The following NKAIN2 variants were observed in gnomAD, a reference collection of about 807,000 sequenced individuals.
NKAIN2 encodes sodium/potassium transporting ATPase interacting 2.
NKAIN2 carries 14 observed loss-of-function variants against 32.6 expected under a neutral mutation model. The ratio of observed to expected loss-of-function variants is 0.43; its 90% confidence interval spans 0.28 to 0.67. The LOEUF is 0.67. Among genes scored for constraint, NKAIN2 ranks in the 30% least tolerant of loss-of-function variants. NKAIN2 has a pLI of 0.17. For missense variants in NKAIN2, 198 were observed against 258.3 expected (o/e 0.77, Z 1.60); for synonymous variants, 80 against 87.2 (o/e 0.92, Z 0.46).
chr6:124,410,196 A>G (rs1774092828), intron 3 of NKAIN2, among the ~76,000 whole-genome samples: 1 of 151,896 alleles, frequency 6.6e-6, no homozygotes, highest in African/African-American at 2.4e-5. Flanking sequence ...TCTCTCCTTC[A>G]GTTCTGCTCT....
chr6:124,589,921 T>C (rs1781847445), intron 3 of NKAIN2, among the ~76,000 whole-genome samples: 1 of 151,590 alleles, frequency 6.6e-6, no homozygotes, highest in Admixed American at 6.6e-5. Context: ...AGTGAGAACA[T>C]GCAGTGTTTG....
intron 3 of NKAIN2, among the ~76,000 whole-genome samples, chr6:124,612,861 C>G (rs1023596887): frequency 1.3e-5 from 2 of 152,046 alleles, no homozygotes; most frequent in Non-Finnish European, 2.9e-5. Flanking sequence ...TGGTTATTAT[C>G]TATTATTTGC....
intron 2 of NKAIN2, among the ~76,000 whole-genome samples, chr6:124,329,429 A>G (rs1797559852): frequency 6.6e-6 from 1 of 152,178 alleles, no homozygotes; most frequent in Non-Finnish European, 1.5e-5. Context: ...CTATGGTTTA[A>G]ATGTAATGGA....
intron 1 of NKAIN2, among the ~76,000 whole-genome samples, chr6:123,846,053 C>G (rs1422047842): frequency 6.6e-6 from 1 of 152,126 alleles, no homozygotes; most frequent in Non-Finnish European, 1.5e-5. Flanking sequence ...CTTTTGGAAG[C>G]TTACATTTTT....
intron 2 of NKAIN2, among the ~76,000 whole-genome samples, chr6:124,291,818 A>G (rs970331062): frequency 2.0e-5 from 3 of 151,814 alleles, no homozygotes; most frequent in Non-Finnish European, 4.4e-5. Context: ...TGGTATAAAA[A>G]CTCAACCATC....
intron 3 of NKAIN2, among the ~76,000 whole-genome samples, chr6:124,615,467 T>C (rs1782852033): frequency 6.6e-6 from 1 of 152,154 alleles, no homozygotes; most frequent in South Asian, 2.1e-4. Flanking sequence ...GGTAAAGTCC[T>C]TAATAAATGC....
chr6:124,612,010 C>CCA (rs3050774), intron 3 of NKAIN2, among the ~76,000 whole-genome samples: 30,033 of 151,794 alleles, frequency 0.2, 3,070 homozygotes, highest in African/African-American at 0.25. Context: ...GTAGGTATTT[C>CCA]CAGTTTTTTT....
chr6:124,606,614 TTAATG>T (rs1189663157), intron 3 of NKAIN2, among the ~76,000 whole-genome samples: 24 of 152,122 alleles, frequency 1.6e-4, no homozygotes, highest in African/African-American at 5.8e-4. Flanking sequence ...TTTCTAGTAT[TTAATG>T]TAAGTGATAA....
chr6:124,410,335 C>T (rs1774100427), intron 3 of NKAIN2, among the ~76,000 whole-genome samples: 1 of 152,150 alleles, frequency 6.6e-6, no homozygotes, highest in Non-Finnish European at 1.5e-5. Flanking sequence ...GCATTTAGTG[C>T]TAAAATTTCC....
chr6:124,299,646 A>G (rs1435822288), intron 2 of NKAIN2, among the ~76,000 whole-genome samples: 3 of 152,172 alleles, frequency 2.0e-5, no homozygotes, highest in Non-Finnish European at 4.4e-5. Flanking sequence ...GCAAAATTCC[A>G]TGATTTTTCT....
chr6:124,271,448 C>T (rs1794783758), intron 1 of NKAIN2, among the ~76,000 whole-genome samples: 1 of 152,194 alleles, frequency 6.6e-6, no homozygotes. Context: ...GATCTCCTGA[C>T]CTCGTGATCC....
At chr6:124,137,606 C>A (rs1172088772) in intron 1 of NKAIN2, among the ~76,000 whole-genome samples, 1 of 152,116 alleles carries the variant, frequency 6.6e-6, no homozygotes, top group Non-Finnish European at 1.5e-5. Context: ...TACCTGATTT[C>A]TTGCTATATT....
Position 123,892,616 on chromosome 6 carries a change from T to A in NKAIN2, c.54+88362T>A, listed in dbSNP as rs985161726. ...GGTGGGGACACAGACCCAAACCGTA[T>A]CAATGACTATCAGGTTTTCTGCAAT... On this transcript the variant is annotated intron_variant, in intron 1 of 6. Transcript: ENST00000368417. 3.6e-4 allele frequency among the ~76,000 whole-genome samples: 55 copies of A among 151,920 alleles called. 3 individuals are homozygous for A.
intron 1 of NKAIN2, among the ~76,000 whole-genome samples, chr6:123,861,699 G>A (rs930704598): frequency 5.3e-5 from 8 of 152,200 alleles, no homozygotes; most frequent in African/African-American, 1.7e-4. Flanking sequence ...ATCTTCATCC[G>A]TGTAGAAAAC....
chr6:124,649,156 A>AATAAG (rs1263418672), intron 3 of NKAIN2, among the ~76,000 whole-genome samples: 1 of 152,164 alleles, frequency 6.6e-6, no homozygotes, highest in Non-Finnish European at 1.5e-5. Flanking sequence ...TAAAATTAAA[A>AATAAG]ATAAGAAATC....
intron 1 of NKAIN2, among the ~76,000 whole-genome samples, chr6:123,905,843 T>G (rs995494584): frequency 6.6e-6 from 1 of 152,180 alleles, no homozygotes; most frequent in African/African-American, 2.4e-5. Flanking sequence ...ATGCATGCTG[T>G]GACACATCAA....
chr6:124,036,439 CA>C, intron 1 of NKAIN2, among the ~76,000 whole-genome samples: 1 of 152,142 alleles, frequency 6.6e-6, no homozygotes, highest in Non-Finnish European at 1.5e-5. Flanking sequence ...ATGGTCTAGT[CA>C]AAATATTTTT....
At chr6:124,542,302 G>C (rs1393809247) in intron 3 of NKAIN2, among the ~76,000 whole-genome samples, 1 of 152,148 alleles carries the variant, frequency 6.6e-6, no homozygotes, top group African/African-American at 2.4e-5. Flanking sequence ...TCAAGGAAGA[G>C]AAAGTCTGGT....
At chr6:124,244,131 G>T (rs1054990654) in intron 1 of NKAIN2, among the ~76,000 whole-genome samples, 1 of 150,086 alleles carries the variant, frequency 6.7e-6, no homozygotes, top group African/African-American at 2.5e-5. Context: ...GGGTACATGT[G>T]CACATTGTGC....
Sources: allele counts gnomAD v4.1 joint callset (sites outside exome capture counted in the v4.1 genomes callset), GRCh38; gene constraint gnomAD v4.1.1; transcripts MANE v1.5; gene names NCBI Gene and HGNC (gene_info 2026-07-23, HGNC 2026-07-21).